Variants in ADGRL2 observed in about 807,000 individuals in gnomAD.
ADGRL2 encodes the protein calcium-independent alpha-latrotoxin receptor 2.
ADGRL2 carries 44 observed loss-of-function variants against 157.4 expected under a neutral mutation model. That is an observed-to-expected ratio of 0.28 (90% confidence interval 0.22 to 0.36). ADGRL2 has a LOEUF of 0.36. Among genes scored for constraint, ADGRL2 ranks in the 10% least tolerant of loss-of-function variants. The pLI is 1.00. For synonymous variants in ADGRL2, 585 were observed against 624.7 expected (o/e 0.94, Z 0.95); for missense variants, 1,510 against 1,768.9 (o/e 0.85, Z 2.63).
chr1:81,384,223 T>C (rs986065466), intron 1 of ADGRL2, among the ~76,000 whole-genome samples: 7 of 152,182 alleles, frequency 4.6e-5, no homozygotes, highest in Non-Finnish European at 7.4e-5. Flanking sequence ...TATAATGGCA[T>C]GTTATGCAGC....
At chr1:81,395,438 G>T (rs984370672) in intron 1 of ADGRL2, among the ~76,000 whole-genome samples, 1 of 152,098 alleles carries the variant, frequency 6.6e-6, no homozygotes, top group Admixed American at 6.6e-5. Context: ...GCATATTCTG[G>T]TTAGTAATAG....
chr1:81,832,298 T>C (rs1186154285), intron 1 of ADGRL2, among the ~76,000 whole-genome samples: 7 of 152,144 alleles, frequency 4.6e-5, no homozygotes, highest in Admixed American at 3.9e-4. Context: ...TGCACCACCA[T>C]GTCCAGCTAA....
In ADGRL2 at chr1:81,951,979, C is replaced by G; in HGVS notation, c.1631C>G (p.Ala544Gly). 1.2e-6 allele frequency: 2 copies of G among 1,606,956 alleles called. No homozygotes were observed. The highest frequency in any genetic ancestry group is 1.7e-6 in the Non-Finnish European group (2 of 1,176,416). The change falls in exon 9 of 24, where the codon GCT (alanine) becomes GGT (glycine). Residue 544 changes from alanine to glycine, a missense_variant. Physicochemically the swap from Ala to Gly is moderately conservative, Grantham distance 60 (BLOSUM62 0). This residue lies in a region of ADGRL2 where 325 missense variants were observed against 333.2 expected (regional missense o/e 0.98). Coordinates refer to ENST00000686636, the MANE Select transcript of ADGRL2 (RefSeq NM_001366006.2). ...CAGATCAGAAGCGGAGAAAATGCTG[C>G]TAGTCTTGCCAATGAACTGGCTAAA... is the stretch of plus-strand genomic sequence containing the variant. ...AQKIRSGENA[A>G]SLANELAKHT...
intron 3 of ADGRL2, among the ~76,000 whole-genome samples, chr1:81,923,132 T>A (rs1385684998): frequency 6.6e-6 from 1 of 152,308 alleles, no homozygotes; most frequent in East Asian, 1.9e-4. Context: ...TGCTTTCTTA[T>A]CAGCTACTTC....
chr1:81,438,596 A>G (rs72940919), intron 1 of ADGRL2, among the ~76,000 whole-genome samples: 3,578 of 152,276 alleles, frequency 0.023, 69 homozygotes, highest in African/African-American at 0.042. Flanking sequence ...ATATCAGAAA[A>G]TGCTACAAGT....
At chr1:81,631,670 A>G (rs1244366086) in intron 3 of ADGRL2, among the ~76,000 whole-genome samples, 2 of 152,202 alleles carry the variant, frequency 1.3e-5, no homozygotes, top group African/African-American at 4.8e-5. Flanking sequence ...AGTTGGTTCT[A>G]ATGTATAACA....
At chr1:81,741,117 TAA>T (rs200497408) in intron 1 of ADGRL2, among the ~76,000 whole-genome samples, 5 of 138,946 alleles carry the variant, frequency 3.6e-5, no homozygotes. Context: ...AAGGGAATTC[TAA>T]AAAAAAAAAA....
At chr1:81,795,119 C>T (rs1240336527) in intron 2 of ADGRL2, among the ~76,000 whole-genome samples, 5 of 152,040 alleles carry the variant, frequency 3.3e-5, no homozygotes, top group Non-Finnish European at 5.9e-5. Flanking sequence ...GGTCCAGGAG[C>T]GATGGTCCGT....
At chr1:81,523,636 A>G (rs1288408377) in intron 2 of ADGRL2, among the ~76,000 whole-genome samples, 2 of 152,242 alleles carry the variant, frequency 1.3e-5, no homozygotes, top group East Asian at 3.8e-4. Context: ...GAAATCACCC[A>G]AACTTTTTTC....
chr1:81,698,114 A>G (rs1570871323), upstream of ADGRL2, among the ~76,000 whole-genome samples: 2 of 152,202 alleles, frequency 1.3e-5, no homozygotes, highest in Non-Finnish European at 2.9e-5. Flanking sequence ...CATTTTTCAA[A>G]TAGTTGAATA....
chr1:81,966,340 T>C lies in ADGRL2; in HGVS notation c.2144-64T>C, dbSNP rs563240046. On this transcript the variant is annotated intron_variant, in intron 12 of 23. Coordinates refer to ENST00000686636, the MANE Select transcript of ADGRL2 (RefSeq NM_001366006.2). ...TTAGGACTTCATCATTTTATTCTTA[T>C]TTTATCTTAGTTTATTAACAAGCAT... The C allele has an allele frequency of 1.3e-3, 1,944 of 1,543,756 alleles. 2 individuals are homozygous for C. Among genetic ancestry groups the C allele is most frequent in the Non-Finnish European group, 1.6e-3 (1,835 of 1,121,872 alleles).
intron 1 of ADGRL2, among the ~76,000 whole-genome samples, chr1:81,814,039 T>G (rs1350895832): frequency 2.0e-5 from 3 of 151,742 alleles, no homozygotes; most frequent in African/African-American, 7.2e-5. Flanking sequence ...GAAATTGTAC[T>G]GAAAAGTTAA....
chr1:81,650,304 G>C (rs2082389665), intron 3 of ADGRL2, among the ~76,000 whole-genome samples: 1 of 152,066 alleles, frequency 6.6e-6, no homozygotes, highest in African/African-American at 2.4e-5. Context: ...GGGCCCCCTG[G>C]CTCACACCTG....
intron 1 of ADGRL2, among the ~76,000 whole-genome samples, chr1:81,710,338 A>G (rs901407200): frequency 6.6e-6 from 1 of 151,802 alleles, no homozygotes; most frequent in African/African-American, 2.4e-5. Context: ...GATTCTAAGA[A>G]CTCTTGTGAG....
intron 3 of ADGRL2, among the ~76,000 whole-genome samples, chr1:81,621,502 G>A (rs2081788981): frequency 1.3e-5 from 2 of 152,220 alleles, no homozygotes; most frequent in Admixed American, 6.5e-5. Flanking sequence ...AGGAATACAA[G>A]TGGTGCCTAA....
At chr1:81,356,939 T>C (rs1448645807) in intron 1 of ADGRL2, among the ~76,000 whole-genome samples, 1 of 70,478 alleles carries the variant, frequency 1.4e-5, no homozygotes, top group Non-Finnish European at 2.5e-5. Flanking sequence ...GGGGACAAAA[T>C]GAGACTCCGT....
At chr1:81,786,821 G>A (rs2087071410) in intron 2 of ADGRL2, among the ~76,000 whole-genome samples, 1 of 152,152 alleles carries the variant, frequency 6.6e-6, no homozygotes, top group African/African-American at 2.4e-5. Flanking sequence ...CTATTAAACT[G>A]TATATTAATT....
chr1:81,360,711 G>A (rs539010580), intron 1 of ADGRL2, among the ~76,000 whole-genome samples: 66 of 151,828 alleles, frequency 4.3e-4, no homozygotes, highest in African/African-American at 1.5e-3. Flanking sequence ...TTTATTAAAG[G>A]AAAGAAGAGA....
intron 2 of ADGRL2, among the ~76,000 whole-genome samples, chr1:81,523,173 T>C (rs1355097649): frequency 6.6e-6 from 1 of 152,196 alleles, no homozygotes; most frequent in Non-Finnish European, 1.5e-5. Context: ...TGAGAAGATA[T>C]ATCATAAAGA....
Sources: gnomAD v4.1 joint callset for allele counts (sites outside exome capture counted in the v4.1 genomes callset) on GRCh38, gnomAD v4.1.1 for gene constraint, gnomAD v4.1.1 regional missense constraint, MANE v1.5 for transcripts, NCBI Gene and HGNC (gene_info 2026-07-23, HGNC 2026-07-21) for gene names.